The following AGBL3 variants were observed in gnomAD, a reference collection of about 807,000 sequenced individuals.
AGBL3 encodes the protein AGBL carboxypeptidase 3, also known as cytosolic carboxypeptidase 3.
A neutral mutation model predicts 94.5 loss-of-function variants in AGBL3; 68 were observed. The ratio of observed to expected loss-of-function variants is 0.72; its 90% CI spans 0.59 to 0.88. AGBL3 has a LOEUF of 0.88. Ranked by LOEUF, AGBL3 falls within the 40% of genes least tolerant of loss-of-function variation. The pLI is 0.00. For synonymous variants in AGBL3, 354 were observed against 370.7 expected, an observed-to-expected ratio of 0.95 and a Z score of 0.52; for missense variants, 934 against 1,103.8, an observed-to-expected ratio of 0.85 and a Z score of 2.18.
intron 5 of AGBL3, among the ~76,000 whole-genome samples, chr7:135,026,511 G>A (rs1815162025): frequency 6.6e-6 from 1 of 151,368 alleles, no homozygotes; most frequent in Admixed American, 6.6e-5. Flanking sequence ...CTGACCTCAA[G>A]TGATCCACTT....
chr7:135,019,442 TTTTCAAGAAACTTTA>T (rs1814171770), intron 5 of AGBL3, among the ~76,000 whole-genome samples: 1 of 152,244 alleles, frequency 6.6e-6, no homozygotes, highest in Non-Finnish European at 1.5e-5. Context: ...TCACCTATTT[TTTTCAAGAAACTTTA>T]TTCTTTTCAC....
intron 5 of AGBL3, among the ~76,000 whole-genome samples, chr7:135,017,575 G>A (rs1344467052): frequency 5.9e-5 from 9 of 152,104 alleles, no homozygotes; most frequent in Non-Finnish European, 1.3e-4. Context: ...CTTTAAAAGA[G>A]AAACAACTGC....
At chr7:135,076,725 A>C (rs1229738109) in intron 13 of AGBL3, among the ~76,000 whole-genome samples, 1 of 152,220 alleles carries the variant, frequency 6.6e-6, no homozygotes, top group Non-Finnish European at 1.5e-5. Flanking sequence ...ACAAAGATGC[A>C]TCCAGGGTAG....
chr7:135,010,603 G>A (rs775725153), intron 4 of AGBL3: 28 of 152,098 alleles, frequency 1.8e-4, no homozygotes, highest in African/African-American at 6.8e-4. Context: ...TATTTATATA[G>A]GAGGATTTCC....
intron 12 of AGBL3, among the ~76,000 whole-genome samples, chr7:135,071,572 C>T (rs1819910551): frequency 6.6e-6 from 1 of 152,024 alleles, no homozygotes; most frequent in Non-Finnish European, 1.5e-5. Context: ...AGATATAGAC[C>T]AATGGAACAG....
intron 15 of AGBL3, among the ~76,000 whole-genome samples, chr7:135,105,676 C>T (rs1192569829): frequency 1.1e-4 from 17 of 152,118 alleles, no homozygotes. Context: ...ATGCCTCCAG[C>T]TTTGTTCTTT....
intron 4 of AGBL3, chr7:135,010,475 G>C (rs968764016): frequency 6.4e-6 from 1 of 157,336 alleles, no homozygotes; most frequent in African/African-American, 2.4e-5. Flanking sequence ...TGATTCTAAA[G>C]TGGATCCTTT....
At chr7:135,100,525 G>C (rs1315514618) in intron 15 of AGBL3, among the ~76,000 whole-genome samples, 1 of 152,094 alleles carries the variant, frequency 6.6e-6, no homozygotes, top group Non-Finnish European at 1.5e-5. Flanking sequence ...GAGAGACCAT[G>C]GTATATCCTC....
chr7:135,021,278 T>G (rs1814411303), intron 5 of AGBL3, among the ~76,000 whole-genome samples: 3 of 152,056 alleles, frequency 2.0e-5, no homozygotes, highest in African/African-American at 7.2e-5. Flanking sequence ...GCATATATAT[T>G]TTTCCATCAT....
chr7:135,096,152 A>T (rs891627223), intron 15 of AGBL3, among the ~76,000 whole-genome samples: 1 of 39,658 alleles, frequency 2.5e-5, no homozygotes, highest in African/African-American at 7.5e-5. Flanking sequence ...ACTCTCTCTC[A>T]AAAAAAAAAA....
At chr7:135,006,525 T>C (rs1166997216) in intron 4 of AGBL3, among the ~76,000 whole-genome samples, 1 of 151,952 alleles carries the variant, frequency 6.6e-6, no homozygotes, top group Non-Finnish European at 1.5e-5. Context: ...AACAGTGGAC[T>C]AACTTGAACA....
At chr7:135,101,776 A>T (rs1316961284) in intron 15 of AGBL3, among the ~76,000 whole-genome samples, 1 of 152,172 alleles carries the variant, frequency 6.6e-6, no homozygotes, top group Non-Finnish European at 1.5e-5. Flanking sequence ...TGATTCCATC[A>T]TGGTTGATAT....
At chr7:135,049,355 G>A (rs1039019043) in intron 11 of AGBL3, among the ~76,000 whole-genome samples, 1 of 151,858 alleles carries the variant, frequency 6.6e-6, no homozygotes, top group Non-Finnish European at 1.5e-5. Flanking sequence ...TTGTATCTAT[G>A]TTCATGAAGG....
At chr7:135,085,511 G>A (rs1183468851) in intron 15 of AGBL3, among the ~76,000 whole-genome samples, 1 of 151,962 alleles carries the variant, frequency 6.6e-6, no homozygotes, top group East Asian at 1.9e-4. Flanking sequence ...AGTCCATTTT[G>A]AATTGACCTT....
intron 5 of AGBL3, among the ~76,000 whole-genome samples, chr7:135,024,048 G>T (rs1242367366): frequency 1.3e-5 from 2 of 152,194 alleles, no homozygotes; most frequent in Non-Finnish European, 2.9e-5. Flanking sequence ...TGAGAACATT[G>T]AGAGAGGTGA....
chr7:135,027,707 C>T (rs1484750527), intron 5 of AGBL3, among the ~76,000 whole-genome samples: 1 of 151,448 alleles, frequency 6.6e-6, no homozygotes, highest in Non-Finnish European at 1.5e-5. Context: ...CTTGTAGCCT[C>T]TGTTGTCTTT....
intron 16 of AGBL3, among the ~76,000 whole-genome samples, chr7:135,118,803 CAG>C (rs199805169): frequency 3.3e-5 from 5 of 151,164 alleles, no homozygotes; most frequent in Admixed American, 6.6e-5. Context: ...ATAGCCTCAG[CAG>C]AGAGAGAGAG....
At chr7:135,097,121 T>C (rs1823019502) in intron 15 of AGBL3, among the ~76,000 whole-genome samples, 1 of 151,894 alleles carries the variant, frequency 6.6e-6, no homozygotes, top group Admixed American at 6.5e-5. Flanking sequence ...TGAATGCTTA[T>C]CACATCATTC....
chr7:135,067,883 G>T (rs1245307830), intron 12 of AGBL3, among the ~76,000 whole-genome samples: 1 of 152,218 alleles, frequency 6.6e-6, no homozygotes, highest in Admixed American at 6.5e-5. Context: ...AACAAAGCTG[G>T]ATGGAAAATG....
Sources: gnomAD v4.1 joint callset for allele counts (sites outside exome capture counted in the v4.1 genomes callset) on GRCh38, gnomAD v4.1.1 for gene constraint, MANE v1.5 for transcripts, NCBI Gene and HGNC (gene_info 2026-07-23, HGNC 2026-07-21) for gene names.